Variants in FCGR2B observed in about 807,000 individuals in gnomAD.
FCGR2B encodes the protein low affinity immunoglobulin gamma Fc region receptor II-b.
FCGR2B carries 18 observed loss-of-function variants against 24.8 expected under a neutral mutation model. The ratio of observed to expected loss-of-function variants is 0.73; its 90% confidence interval spans 0.50 to 1.08. The LOEUF (loss-of-function observed/expected upper bound fraction) is 1.08, where lower values mean the gene tolerates loss of function less well. Among genes scored for constraint, FCGR2B ranks in the 50% least tolerant of loss-of-function variants. The probability of loss-of-function intolerance (pLI) is 0.00; values close to 1 mark genes in which losing one functional copy is unlikely to be tolerated. For synonymous variants in FCGR2B, 79 were observed against 109.8 expected (o/e 0.72, Z 1.75); for missense variants, 215 against 297.6 (o/e 0.72, Z 2.04).
At chr1:161,655,229 T>C in the FCGR2B span, among the ~76,000 whole-genome samples, 1 of 151,470 alleles carries the variant, frequency 6.6e-6, no homozygotes, top group Non-Finnish European at 1.5e-5. Context: ...TCTGGTTAGT[T>C]TACAATCTCT....
At position 161,673,230 on chromosome 1, in the gene FCGR2B, G is replaced by T. The variant is rs755070493; in HGVS notation, c.646+1G>T. 6.3e-7 allele frequency: 1 copy of T among 1,594,458 alleles called. No individual in the cohort carries two copies. On this transcript the variant is annotated splice_donor_variant, in intron 4 of 7. Coordinates refer to ENST00000358671, the MANE Select transcript of FCGR2B (RefSeq NM_001394477.1). LOFTEE classifies it high-confidence loss of function. ...AAGCCTGTGACCATCACTGTCCAAGGTATGCGGAGTCTGCCAAGATGTAAG... is the reference window on the plus strand; with the variant it reads ...AAGCCTGTGACCATCACTGTCCAAGTTATGCGGAGTCTGCCAAGATGTAAG...
chr1:161,675,843 C>G (rs1375838899), intron 6 of FCGR2B: 3 of 234,198 alleles, frequency 1.3e-5, no homozygotes, highest in African/African-American at 2.2e-5. Context: ...TTCTGGGGGA[C>G]TAGGGGCACT....
chr1:161,675,645 A>G (rs541127446), intron 6 of FCGR2B: 48 of 273,226 alleles, frequency 1.8e-4, no homozygotes, highest in South Asian at 2.2e-4. Context: ...AGAGCTGGCA[A>G]AGGATGGGGT....
chr1:161,652,695 T>C, the FCGR2B span, among the ~76,000 whole-genome samples: 1 of 135,136 alleles, frequency 7.4e-6, no homozygotes, highest in Middle Eastern at 3.9e-3. Context: ...TTTATTGAAT[T>C]CTGGACATTA....
Position 161,677,554 on chromosome 1 carries a change from T to G in FCGR2B, c.*1T>G, listed in dbSNP as rs375742186. The G allele has an allele frequency of 1.2e-6, 2 of 1,605,796 alleles. No individual in the cohort carries two copies. The highest frequency in any genetic ancestry group is 8.5e-7 in the Non-Finnish European group (1 of 1,173,774). ...GCCTGATGACCAGAACCGTATTTAG[T>G]CTCCATTGTCTTGCATTGGGATTTG... On this transcript the variant is annotated 3_prime_UTR_variant, in exon 8 of 8. Coordinates refer to ENST00000358671, the MANE Select transcript of FCGR2B (RefSeq NM_001394477.1).
At chr1:161,656,309 A>G in the FCGR2B span, among the ~76,000 whole-genome samples, 1 of 142,366 alleles carries the variant, frequency 7.0e-6, no homozygotes, top group Admixed American at 7.3e-5. Flanking sequence ...TCATTTCTTC[A>G]TTTCTTCCTC....
the FCGR2B span, among the ~76,000 whole-genome samples, chr1:161,650,448 G>A: frequency 2.1e-5 from 3 of 144,780 alleles, no homozygotes; most frequent in African/African-American, 7.7e-5. Flanking sequence ...GTGAAGCAAG[G>A]CTCTCATTCT....
the FCGR2B span, among the ~76,000 whole-genome samples, chr1:161,648,589 T>C: frequency 2.0e-5 from 3 of 151,128 alleles, no homozygotes; most frequent in African/African-American, 7.3e-5. Context: ...TTTTTAATAG[T>C]TTTTTATGTA....
the FCGR2B span, among the ~76,000 whole-genome samples, chr1:161,654,345 CA>C: frequency 2.7e-5 from 3 of 110,188 alleles, 1 homozygote; most frequent in Non-Finnish European, 6.7e-5. Flanking sequence ...GCCCCTTCCC[CA>C]AGGGTAGAGA....
the FCGR2B span, among the ~76,000 whole-genome samples, chr1:161,647,476 C>T: frequency 6.7e-6 from 1 of 150,144 alleles, no homozygotes; most frequent in African/African-American, 2.5e-5. Flanking sequence ...AATTTTTGTA[C>T]TTTTAGTAGG....
chr1:161,656,118 A>G, the FCGR2B span, among the ~76,000 whole-genome samples: 9 of 127,522 alleles, frequency 7.1e-5, no homozygotes, highest in African/African-American at 2.4e-4. Context: ...CGGCCTCCCA[A>G]AGTGCTGGGA....
chr1:161,671,341 A>G (rs370793112), intron 2 of FCGR2B, 51 bp from the exon 3 acceptor site: 8 of 1,613,678 alleles, frequency 5.0e-6, no homozygotes, highest in Admixed American at 1.7e-5. Context: ...AGGGCCTCTC[A>G]AGCTCCTGGG....
At chr1:161,652,963 A>G in the FCGR2B span, among the ~76,000 whole-genome samples, 1 of 134,126 alleles carries the variant, frequency 7.5e-6, no homozygotes, top group South Asian at 2.6e-4. Flanking sequence ...CAACTTTAGG[A>G]CTTTCTAAAG....
chr1:161,675,602 A>C, intron 6 of FCGR2B: 1 of 340,524 alleles, frequency 2.9e-6, no homozygotes, highest in Non-Finnish European at 5.3e-6. Flanking sequence ...GCAAGAAATC[A>C]GAGATACTTT....
chr1:161,661,208 A>AAGAC (rs1172916180), upstream of FCGR2B, among the ~76,000 whole-genome samples: 7 of 88,170 alleles, frequency 7.9e-5, no homozygotes, highest in Admixed American at 1.9e-4. Context: ...GAAAGAAAGA[A>AAGAC]AGAAAGAAAG....
chr1:161,673,301 A>T (rs1363571559), intron 4 of FCGR2B, 72 bp downstream of exon 4: 1 of 1,602,014 alleles, frequency 6.2e-7, no homozygotes, highest in East Asian at 2.2e-5. Context: ...ACATGGGCCT[A>T]CATGGAGGTC....
intron 5 of FCGR2B, chr1:161,674,538 G>A (rs1286581746): frequency 3.9e-6 from 1 of 256,058 alleles, no homozygotes; most frequent in Non-Finnish European, 7.7e-6. Context: ...TAGTTCTACA[G>A]CATACCAACT....
chr1:161,648,593 T>G, the FCGR2B span, among the ~76,000 whole-genome samples: 1 of 151,192 alleles, frequency 6.6e-6, no homozygotes, highest in Non-Finnish European at 1.5e-5. Flanking sequence ...TAATAGTTTT[T>G]TATGTATTTT....
chr1:161,656,047 G>C, the FCGR2B span, among the ~76,000 whole-genome samples: 3 of 132,600 alleles, frequency 2.3e-5, no homozygotes, highest in African/African-American at 7.8e-5. Flanking sequence ...AGTAGAGATG[G>C]GGTTTCACCA....
Sources: allele counts gnomAD v4.1 joint callset (sites outside exome capture counted in the v4.1 genomes callset), GRCh38; gene constraint gnomAD v4.1.1; transcripts MANE v1.5; gene names NCBI Gene and HGNC (gene_info 2026-07-23, HGNC 2026-07-21).